The following AGBL1 variants were observed in gnomAD, a reference collection of about 807,000 sequenced individuals.
The protein encoded by AGBL1 is AGBL carboxypeptidase 1, also known as cytosolic carboxypeptidase 4.
AGBL1 carries 130 observed loss-of-function variants against 118.9 expected under a neutral mutation model. That is an observed-to-expected ratio of 1.09 (90% CI 0.95 to 1.26). AGBL1 has a LOEUF of 1.26. Among genes scored for constraint, AGBL1 ranks in the 50% most tolerant of loss-of-function variants. The pLI is 0.00. For synonymous variants in AGBL1, 555 were observed against 478.9 expected (o/e 1.16, Z -2.08); for missense variants, 1,584 against 1,298.1 (o/e 1.22, Z -3.38).
intron 22 of AGBL1, among the ~76,000 whole-genome samples, chr15:86,811,310 C>T (rs767645000): frequency 1.3e-5 from 2 of 152,016 alleles, no homozygotes; most frequent in Non-Finnish European, 2.9e-5. Context: ...GGATAGAACT[C>T]GGAGGAGGAT....
intron 1 of AGBL1, among the ~76,000 whole-genome samples, chr15:86,112,711 G>A (rs2141546460): frequency 6.6e-6 from 1 of 152,318 alleles, no homozygotes; most frequent in Non-Finnish European, 1.5e-5. Flanking sequence ...ACTCTCTTCA[G>A]CAGTGTAGGA....
chr15:86,870,454 CAAAAAAAAAAAAAAAAAAAAAAAAA>C (rs770556494), intron 22 of AGBL1, among the ~76,000 whole-genome samples: 727 of 64,152 alleles, frequency 0.011, 27 homozygotes, highest in Non-Finnish European at 0.015. Flanking sequence ...AAGCATACTG[CAAAAAAAAAAAAAAAAAAAAAAAAA>C]AAAAAAAAAA....
In AGBL1 at chr15:86,161,082, G is replaced by A. The variant is rs78284434; in HGVS notation, c.488+2056G>A. Among the ~76,000 whole-genome samples the A allele has an allele frequency of 6.8e-3, 1,040 of 152,306 alleles. 10 individuals are homozygous for A. The highest frequency in any genetic ancestry group is 0.01 in the Non-Finnish European group (706 of 68,012). The stretch of plus-strand genomic sequence containing the variant: ...TGATCAAAGTGTCAGAGGCAAGTGG[G>A]AAAGTAATACCAGGGATTAAGGGAG... On this transcript the variant is annotated intron_variant, in intron 5 of 22. Transcript: ENST00000614907.
At chr15:86,999,744 T>C (rs959449742) in intron 24 of AGBL1, among the ~76,000 whole-genome samples, 33 of 149,184 alleles carry the variant, frequency 2.2e-4, no homozygotes, top group Non-Finnish European at 3.7e-4. Flanking sequence ...ATATACCCAG[T>C]AATGGGATGG....
intron 12 of AGBL1, 25 bp from the exon 13 acceptor site, chr15:86,266,965 T>C: frequency 1.3e-6 from 2 of 1,498,936 alleles, no homozygotes; most frequent in South Asian, 2.4e-5. Flanking sequence ...ACACATATGT[T>C]CACATGTTCC....
At chr15:86,192,776 G>C (rs1393783530) in intron 5 of AGBL1, among the ~76,000 whole-genome samples, 1 of 151,980 alleles carries the variant, frequency 6.6e-6, no homozygotes, top group Non-Finnish European at 1.5e-5. Context: ...CAGATGTCAG[G>C]AAAAAATTTG....
At chr15:86,315,053 C>G (rs892602961) in intron 17 of AGBL1, among the ~76,000 whole-genome samples, 1 of 152,160 alleles carries the variant, frequency 6.6e-6, no homozygotes, top group Non-Finnish European at 1.5e-5. Context: ...CCTAACACAG[C>G]GTAAAGAGAG....
rs144168408 is a variant in AGBL1 at position 86,403,811 on chromosome 15, G to A, written c.2555+6265G>A. Among the ~76,000 whole-genome samples the A allele has an allele frequency of 5.7e-3, 866 of 152,276 alleles. 6 individuals are homozygous for A. Among genetic ancestry groups the A allele is most frequent in the African/African-American group, 0.018 (743 of 41,554 alleles). On this transcript the variant is annotated intron_variant, in intron 18 of 22. Transcript: ENST00000614907. The stretch of plus-strand genomic sequence containing the variant: ...TACTTTGCTGTAGATATTTAAGGGA[G>A]TTAGAATGTAAGAACCTTAACATGT...
chr15:86,652,901 C>A (rs562488864), intron 21 of AGBL1, among the ~76,000 whole-genome samples: 1 of 152,198 alleles, frequency 6.6e-6, no homozygotes, highest in African/African-American at 2.4e-5. Flanking sequence ...GGTACGGATG[C>A]AATGGGCATC....
intron 22 of AGBL1, among the ~76,000 whole-genome samples, chr15:86,820,682 CAG>C (rs1463469703): frequency 1.3e-5 from 2 of 152,134 alleles, no homozygotes; most frequent in Non-Finnish European, 2.9e-5. Context: ...CAGGAAACAA[CAG>C]AAACTGGAGA....
chr15:86,621,523 G>A (rs990121765), intron 21 of AGBL1, among the ~76,000 whole-genome samples: 8 of 152,180 alleles, frequency 5.3e-5, no homozygotes, highest in Admixed American at 1.3e-4. Context: ...CATCTTCACA[G>A]GGCCATCTTC....
intron 24 of AGBL1, among the ~76,000 whole-genome samples, chr15:86,996,910 C>T (rs1017875677): frequency 6.6e-6 from 1 of 152,004 alleles, no homozygotes. Flanking sequence ...CCTTTTAATA[C>T]TCCAATATAT....
intron 21 of AGBL1, among the ~76,000 whole-genome samples, chr15:86,658,419 T>C (rs1254983660): frequency 6.6e-6 from 1 of 152,194 alleles, no homozygotes; most frequent in African/African-American, 2.4e-5. Flanking sequence ...AGAAATGAAC[T>C]CTATTGGGGA....
At chr15:86,455,702 T>TA (rs1283916820) in intron 18 of AGBL1, among the ~76,000 whole-genome samples, 1 of 152,170 alleles carries the variant, frequency 6.6e-6, no homozygotes, top group African/African-American at 2.4e-5. Context: ...GTGTAGTCTA[T>TA]AAAAATCACT....
intron 7 of AGBL1, among the ~76,000 whole-genome samples, chr15:86,248,266 G>A (rs1209037929): frequency 6.6e-6 from 1 of 152,168 alleles, no homozygotes; most frequent in East Asian, 1.9e-4. Flanking sequence ...GCAGTGAGCC[G>A]AGATCGCACC....
At chr15:86,688,839 A>G (rs528413484) in intron 22 of AGBL1, among the ~76,000 whole-genome samples, 4 of 152,258 alleles carry the variant, frequency 2.6e-5, no homozygotes, top group African/African-American at 9.6e-5. Context: ...ATCACACCAA[A>G]TATCAAGTTC....
At chr15:86,262,078 C>CTTTTGTTTTTTTTTTTTTTTTTTT (rs2078997356) in intron 9 of AGBL1, among the ~76,000 whole-genome samples, 1 of 52,768 alleles carries the variant, frequency 1.9e-5, no homozygotes, top group Non-Finnish European at 3.6e-5. Context: ...GCATAGCTGG[C>CTTTTGTTTTTTTTTTTTTTTTTTT]TTTTTTTTTT....
intron 17 of AGBL1, among the ~76,000 whole-genome samples, chr15:86,350,180 T>G (rs543598140): frequency 4.6e-5 from 7 of 152,320 alleles, no homozygotes; most frequent in East Asian, 1.9e-4. Context: ...GTGCCAGGGA[T>G]GTTTTCACAT....
At chr15:86,536,090 G>T (rs1019490037) in intron 19 of AGBL1, among the ~76,000 whole-genome samples, 9 of 152,198 alleles carry the variant, frequency 5.9e-5, no homozygotes, top group African/African-American at 1.9e-4. Flanking sequence ...ATTTGGAATT[G>T]TTCCCATGCT....
Sources: allele counts gnomAD v4.1 joint callset (sites outside exome capture counted in the v4.1 genomes callset), GRCh38; gene constraint gnomAD v4.1.1; transcripts MANE v1.5; gene names NCBI Gene and HGNC (gene_info 2026-07-23, HGNC 2026-07-21).